HS3ST3A1: variants seen among roughly 807,000 people sequenced by gnomAD.
The protein encoded by HS3ST3A1 is heparan sulfate glucosamine 3-O-sulfotransferase 3A1.
HS3ST3A1 carries 19 observed loss-of-function variants against 25.7 expected under a neutral mutation model. The observed-to-expected ratio is 0.74, with a 90% confidence interval of 0.52 to 1.08. The LOEUF is 1.08. HS3ST3A1 is among the 50% of genes least tolerant of loss of function. The pLI is 0.00. For synonymous variants in HS3ST3A1, 226 were observed against 278.6 expected, an observed-to-expected ratio of 0.81 and a Z score of 1.88; for missense variants, 459 against 594.3, an observed-to-expected ratio of 0.77 and a Z score of 2.37.
intron 1 of HS3ST3A1, among the ~76,000 whole-genome samples, chr17:13,560,289 C>CAAAAA (rs10632927): frequency 0.028 from 485 of 17,376 alleles, 162 homozygotes; most frequent in South Asian, 0.048. Context: ...CACTCGTCTC[C>CAAAAA]AAAAAAAAAA....
chr17:13,500,871 A>G (rs1466379717), intron 1 of HS3ST3A1, among the ~76,000 whole-genome samples: 1 of 152,252 alleles, frequency 6.6e-6, no homozygotes, highest in South Asian at 2.1e-4. Context: ...TGGAAGCAAC[A>G]CAAGTGTGTA....
intron 1 of HS3ST3A1, among the ~76,000 whole-genome samples, chr17:13,538,371 G>C (rs1286961042): frequency 6.6e-6 from 1 of 152,198 alleles, no homozygotes; most frequent in Non-Finnish European, 1.5e-5. Context: ...AAGTCATCAA[G>C]GTTGTCTGTT....
chr17:13,596,785 C>T (rs1483485468), intron 1 of HS3ST3A1, among the ~76,000 whole-genome samples: 1 of 152,126 alleles, frequency 6.6e-6, no homozygotes, highest in Non-Finnish European at 1.5e-5. Flanking sequence ...ACAGAAGGGG[C>T]TTGCACAGTA....
chr17:13,512,321 A>AAAAAAAAC (rs1395357582), intron 1 of HS3ST3A1, among the ~76,000 whole-genome samples: 2 of 144,676 alleles, frequency 1.4e-5, no homozygotes, highest in Non-Finnish European at 1.5e-5. Context: ...AAAAAAAAAA[A>AAAAAAAAC]AAAAAACTGC....
At chr17:13,543,721 T>TG (rs1350126597) in intron 1 of HS3ST3A1, 1 of 154,686 alleles carries the variant, frequency 6.5e-6, no homozygotes, top group Non-Finnish European at 1.5e-5. Flanking sequence ...TTTGTCTCAA[T>TG]GATAAAAAAG....
chr17:13,527,599 A>G (rs1331971322), intron 1 of HS3ST3A1, among the ~76,000 whole-genome samples: 1 of 152,176 alleles, frequency 6.6e-6, no homozygotes, highest in Non-Finnish European at 1.5e-5. Context: ...CAAAGTGCCA[A>G]GAGCCCAGGT....
intron 1 of HS3ST3A1, among the ~76,000 whole-genome samples, chr17:13,500,668 T>A (rs1337335259): frequency 6.6e-6 from 1 of 152,086 alleles, no homozygotes; most frequent in African/African-American, 2.4e-5. Flanking sequence ...ACATTTACAG[T>A]AGGTATGAAG....
intron 1 of HS3ST3A1, among the ~76,000 whole-genome samples, chr17:13,594,692 TTTA>T (rs1908526084): frequency 1.3e-5 from 2 of 152,110 alleles, no homozygotes; most frequent in Non-Finnish European, 2.9e-5. Flanking sequence ...TGGTTTTCAG[TTTA>T]TTGTGAAGCC....
At chr17:13,554,618 C>A (rs908334730) in intron 1 of HS3ST3A1, among the ~76,000 whole-genome samples, 1 of 152,170 alleles carries the variant, frequency 6.6e-6, no homozygotes, top group Admixed American at 6.5e-5. Flanking sequence ...GGGGTGCTGA[C>A]TTTGGAACTG....
In HS3ST3A1 at chr17:13,601,029, G is replaced by A; in HGVS notation, c.101C>T (p.Thr34Met). The A allele has an allele frequency of 6.3e-7, 1 of 1,593,990 alleles. No homozygotes were observed. The highest frequency in any genetic ancestry group is 2.3e-5 in the East Asian group (1 of 43,576). The part of the protein sequence containing the change: ...KFLLMLCSLL[T>M]SLYVFYCLAE... ...CAGGCAGTAGAAGACGTAAAGGGAC[G>A]TGAGCAGGGAGCAGAGCATCAGCAA... Residue 34 changes from threonine to methionine, a missense_variant, in exon 1 of 2, where the codon ACG becomes ATG. This residue lies in a region of HS3ST3A1 where 346 missense variants were observed against 303.9 expected (regional missense o/e 1.14). Coordinates refer to ENST00000284110, the MANE Select transcript of HS3ST3A1 (RefSeq NM_006042.3).
chr17:13,507,901 C>T (rs749724268), intron 1 of HS3ST3A1, among the ~76,000 whole-genome samples: 7 of 152,210 alleles, frequency 4.6e-5, no homozygotes, highest in Admixed American at 1.3e-4. Flanking sequence ...TGTCAGCTCG[C>T]CATCCCTTGG....
intron 1 of HS3ST3A1, among the ~76,000 whole-genome samples, chr17:13,530,580 C>T (rs1451265097): frequency 6.6e-6 from 1 of 152,130 alleles, no homozygotes; most frequent in Non-Finnish European, 1.5e-5. Flanking sequence ...CATATATAGA[C>T]AATCTAACAA....
At chr17:13,547,108 A>G (rs1282736236) in intron 1 of HS3ST3A1, among the ~76,000 whole-genome samples, 1 of 152,128 alleles carries the variant, frequency 6.6e-6, no homozygotes, top group Non-Finnish European at 1.5e-5. Context: ...TTACACAGAG[A>G]CCCATCCATC....
At chr17:13,588,707 G>A (rs974335130) in intron 1 of HS3ST3A1, among the ~76,000 whole-genome samples, 27 of 148,084 alleles carry the variant, frequency 1.8e-4, no homozygotes, top group Middle Eastern at 3.4e-3. Flanking sequence ...TTTTTTAGAC[G>A]GAGTCTCGCT....
chr17:13,545,500 C>T (rs1337169972), intron 1 of HS3ST3A1, among the ~76,000 whole-genome samples: 5 of 152,200 alleles, frequency 3.3e-5, no homozygotes, highest in African/African-American at 1.2e-4. Flanking sequence ...TATCTCTCTG[C>T]ATGGAAGAGG....
intron 1 of HS3ST3A1, among the ~76,000 whole-genome samples, chr17:13,509,814 T>A (rs1359432732): frequency 6.6e-6 from 1 of 152,224 alleles, no homozygotes; most frequent in Non-Finnish European, 1.5e-5. Context: ...GGGCTTGTCC[T>A]AAGTCATTCA....
intron 1 of HS3ST3A1, among the ~76,000 whole-genome samples, chr17:13,563,751 C>T (rs1234114507): frequency 6.6e-6 from 1 of 152,170 alleles, no homozygotes; most frequent in Non-Finnish European, 1.5e-5. Context: ...GAACTGAAGG[C>T]TGCTGTCTCT....
At chr17:13,593,340 G>T (rs1012230498) in intron 1 of HS3ST3A1, among the ~76,000 whole-genome samples, 1 of 151,096 alleles carries the variant, frequency 6.6e-6, no homozygotes. Context: ...TTACATCAAC[G>T]TTTTTGTTCT....
At chr17:13,578,923 A>T (rs911200693) in intron 1 of HS3ST3A1, among the ~76,000 whole-genome samples, 1 of 152,200 alleles carries the variant, frequency 6.6e-6, no homozygotes, top group Non-Finnish European at 1.5e-5. Flanking sequence ...CATTTTTATT[A>T]AATATACAAA....
Sources: gnomAD v4.1 joint callset for allele counts (sites outside exome capture counted in the v4.1 genomes callset) on GRCh38, gnomAD v4.1.1 for gene constraint, gnomAD v4.1.1 regional missense constraint, MANE v1.5 for transcripts, NCBI Gene and HGNC (gene_info 2026-07-23, HGNC 2026-07-21) for gene names.